Variants in MYO3A observed in about 807,000 individuals in gnomAD.
The protein encoded by MYO3A is myosin-IIIa.
In MYO3A, 180 loss-of-function variants were observed where a neutral mutation model predicts 192.7. The ratio of observed to expected loss-of-function variants is 0.93; its 90% CI spans 0.83 to 1.06. The LOEUF (loss-of-function observed/expected upper bound fraction) is 1.06. Ranked by LOEUF, MYO3A falls within the 50% of genes least tolerant of loss-of-function variation. The pLI is 0.00. For synonymous variants in MYO3A, 628 were observed against 645.3 expected (o/e 0.97, Z 0.41); for missense variants, 1,896 against 1,905.0 (o/e 1.00, Z 0.09).
At chr10:26,118,718 G>A (rs1838670183) in intron 17 of MYO3A, among the ~76,000 whole-genome samples, 1 of 151,022 alleles carries the variant, frequency 6.6e-6, no homozygotes, top group Non-Finnish European at 1.5e-5. Flanking sequence ...TGAAGCCTCC[G>A]CCTCCTGGGT....
rs550780412 is a variant in MYO3A at position 26,083,431 on chromosome 10, T to C, written c.1360-4772T>C. Among the ~76,000 whole-genome samples the C allele has an allele frequency of 1.0e-3, 154 of 152,364 alleles. 1 individual carries two copies. The highest frequency in any genetic ancestry group is 9.7e-3 in the South Asian group (47 of 4,828). On this transcript the variant is annotated intron_variant, in intron 14 of 34. Transcript: ENST00000642920. Reference sequence around the variant, plus strand: ...CCATGGTTGACTGTAGGTAACTGGCTCTATGGTAGAGATAATTTTACTTCT... The same window carrying C: ...CCATGGTTGACTGTAGGTAACTGGCCCTATGGTAGAGATAATTTTACTTCT...
chr10:25,971,064 T>C (rs528601956), intron 4 of MYO3A, among the ~76,000 whole-genome samples: 1 of 152,250 alleles, frequency 6.6e-6, no homozygotes, highest in South Asian at 2.1e-4. Flanking sequence ...CATTCTGTAT[T>C]GTTATACACA....
At chr10:26,040,511 C>T (rs1233485865) in intron 10 of MYO3A, among the ~76,000 whole-genome samples, 2 of 152,098 alleles carry the variant, frequency 1.3e-5, no homozygotes, top group Non-Finnish European at 2.9e-5. Flanking sequence ...CTACCAAAAC[C>T]AGAATGCTAT....
At chr10:25,934,959 C>A (rs900911507) in intron 1 of MYO3A, among the ~76,000 whole-genome samples, 2 of 151,984 alleles carry the variant, frequency 1.3e-5, no homozygotes, top group Admixed American at 6.5e-5. Context: ...ACTGAGGGGG[C>A]CCTGCAGGGA....
intron 4 of MYO3A, among the ~76,000 whole-genome samples, chr10:25,986,163 T>C (rs1839639970): frequency 6.6e-6 from 1 of 152,156 alleles, no homozygotes; most frequent in Admixed American, 6.5e-5. Flanking sequence ...CATCCCTTTA[T>C]GATTAAAGCC....
At chr10:25,971,133 AAAG>A (rs1305746512) in intron 4 of MYO3A, among the ~76,000 whole-genome samples, 4 of 152,114 alleles carry the variant, frequency 2.6e-5, no homozygotes, top group African/African-American at 9.7e-5. Context: ...AAAGCAGAAG[AAAG>A]AAGAACAAGT....
chr10:26,027,704 T>G (rs1299224852), intron 10 of MYO3A, among the ~76,000 whole-genome samples: 1 of 152,236 alleles, frequency 6.6e-6, no homozygotes, highest in Non-Finnish European at 1.5e-5. Flanking sequence ...TCCCAGAGAC[T>G]GTCTTCTTTC....
intron 20 of MYO3A, among the ~76,000 whole-genome samples, chr10:26,131,731 A>G (rs1458884167): frequency 6.6e-6 from 1 of 152,178 alleles, no homozygotes; most frequent in African/African-American, 2.4e-5. Context: ...TGAAGCTTTT[A>G]CAGTTTCCCG....
intron 27 of MYO3A, among the ~76,000 whole-genome samples, chr10:26,168,272 A>G (rs59764506): frequency 6.6e-6 from 1 of 152,344 alleles, no homozygotes; most frequent in African/African-American, 2.4e-5. Flanking sequence ...ATTAATAAAC[A>G]TTAGATGAAT....
intron 34 of MYO3A, among the ~76,000 whole-genome samples, chr10:26,206,695 C>T (rs959270555): frequency 6.6e-5 from 10 of 151,956 alleles, no homozygotes; most frequent in Admixed American, 5.9e-4. Flanking sequence ...GTGATCTGCC[C>T]ACCTCGGCCT....
chr10:26,183,751 G>A (rs1842730227), intron 31 of MYO3A, among the ~76,000 whole-genome samples: 1 of 152,088 alleles, frequency 6.6e-6, no homozygotes, highest in African/African-American at 2.4e-5. Flanking sequence ...GGGGGTGGCA[G>A]TTGCCTCTTG....
intron 6 of MYO3A, among the ~76,000 whole-genome samples, chr10:26,016,198 A>C (rs1463437728): frequency 2.6e-5 from 4 of 152,230 alleles, no homozygotes; most frequent in Non-Finnish European, 5.9e-5. Flanking sequence ...ATATTTGATT[A>C]TACCTCTTTA....
chr10:25,952,086 A>T lies in MYO3A; in HGVS notation c.-17-8A>T. The T allele has an allele frequency of 6.3e-7, 1 of 1,591,256 alleles. No homozygotes were observed. On this transcript the variant is annotated splice_region_variant and splice_polypyrimidine_tract_variant and intron_variant, in intron 2 of 34. Transcript: ENST00000642920. Reference sequence around the variant, plus strand: ...AACTGTAGATGAAACTGTACTTCTTATCTCCAGGTTTTTAAACCTTTGAGA... The same window carrying T: ...AACTGTAGATGAAACTGTACTTCTTTTCTCCAGGTTTTTAAACCTTTGAGA...
At chr10:26,154,415 A>G (rs1008889258) in intron 24 of MYO3A, among the ~76,000 whole-genome samples, 3 of 152,134 alleles carry the variant, frequency 2.0e-5, no homozygotes, top group African/African-American at 4.8e-5. Context: ...CCTGACCTCA[A>G]ATGAGCAGCC....
chr10:26,046,634 T>C (rs986323239), intron 10 of MYO3A, among the ~76,000 whole-genome samples: 4 of 152,354 alleles, frequency 2.6e-5, no homozygotes, highest in African/African-American at 9.6e-5. Flanking sequence ...ATATTAGCTA[T>C]GTACACAAAT....
chr10:26,151,952 C>CGGT (rs1840814244), intron 23 of MYO3A, among the ~76,000 whole-genome samples: 1 of 152,162 alleles, frequency 6.6e-6, no homozygotes, highest in Non-Finnish European at 1.5e-5. Context: ...TTAATCTAGT[C>CGGT]GGTGTTACTT....
rs56308717 is a variant in MYO3A at position 25,988,939 on chromosome 10, C to CTTTTTT, written c.304-7535_304-7530dup. On this transcript the variant is annotated intron_variant, in intron 4 of 34. Transcript: ENST00000642920. ...AAGTTTAAAACACAGCCCTAAAACT[C>CTTTTTT]TTTTTTTTTTTTTTTTTTTTTACTT... Among the ~76,000 whole-genome samples, 9 of 117,016 alleles carry CTTTTTT rather than the reference C, an allele frequency of 7.7e-5. 1 individual carries two copies. The highest frequency in any genetic ancestry group is 1.4e-4 in the Non-Finnish European group (8 of 56,638). The allele number at this position is 117,016 out of a possible 152,430, so 76.8% of individuals were successfully genotyped here.
chr10:25,960,902 G>A (rs947849839), intron 4 of MYO3A, among the ~76,000 whole-genome samples: 8 of 152,062 alleles, frequency 5.3e-5, no homozygotes, highest in African/African-American at 1.4e-4. Context: ...AGATAGGTTT[G>A]TATTTTTAGC....
chr10:25,997,998 C>T (rs1840559440), intron 6 of MYO3A, among the ~76,000 whole-genome samples: 1 of 152,200 alleles, frequency 6.6e-6, no homozygotes, highest in African/African-American at 2.4e-5. Flanking sequence ...TTCTCCTTCC[C>T]TTTTGCACTG....
Sources: gnomAD v4.1 joint callset for allele counts (sites outside exome capture counted in the v4.1 genomes callset) on GRCh38, gnomAD v4.1.1 for gene constraint, MANE v1.5 for transcripts, NCBI Gene and HGNC (gene_info 2026-07-23, HGNC 2026-07-21) for gene names.